The following RFX3 variants were observed in gnomAD, a reference collection of about 807,000 sequenced individuals.
RFX3 encodes the protein regulatory factor X3, also known as transcription factor RFX3.
In RFX3, 14 loss-of-function variants were observed where a neutral mutation model predicts 98.6. The observed-to-expected ratio is 0.14, with a 90% CI of 0.09 to 0.22. The LOEUF is 0.22. RFX3 is among the 10% of genes least tolerant of loss of function. The pLI, the probability that RFX3 is intolerant of heterozygous loss-of-function variation, is 1.00. For synonymous variants in RFX3, 383 were observed against 328.4 expected (o/e 1.17, Z -1.80); for missense variants, 639 against 926.9 (o/e 0.69, Z 4.03).
At chr9:3,292,792 C>G (rs1441450840) in intron 6 of RFX3, among the ~76,000 whole-genome samples, 1 of 152,038 alleles carries the variant, frequency 6.6e-6, no homozygotes, top group African/African-American at 2.4e-5. Context: ...GCACCATATG[C>G]AAATCTTGCA....
intron 14 of RFX3, among the ~76,000 whole-genome samples, chr9:3,250,960 A>T (rs1182730869): frequency 6.6e-6 from 1 of 152,142 alleles, no homozygotes; most frequent in Non-Finnish European, 1.5e-5. Flanking sequence ...AGTTACTTTA[A>T]ATGTTTATAT....
chr9:3,370,288 A>T (rs1187344748), intron 2 of RFX3, among the ~76,000 whole-genome samples: 1 of 151,722 alleles, frequency 6.6e-6, no homozygotes, highest in African/African-American at 2.4e-5. Flanking sequence ...TTATCCTCAG[A>T]AAACTGAACA....
intron 4 of RFX3, among the ~76,000 whole-genome samples, chr9:3,312,386 G>C (rs1208136247): frequency 6.6e-6 from 1 of 152,150 alleles, no homozygotes; most frequent in Non-Finnish European, 1.5e-5. Flanking sequence ...AGGATCTCCA[G>C]AGTGTTCCTT....
chr9:3,270,348 G>A (rs771339127), intron 11 of RFX3, 23 bp downstream of exon 11: 9 of 1,603,376 alleles, frequency 5.6e-6, no homozygotes, highest in Middle Eastern at 1.7e-4. Flanking sequence ...AAAAGCATCC[G>A]TACTCGTCTG....
At chr9:3,267,034 T>G (rs1361342458) in intron 11 of RFX3, among the ~76,000 whole-genome samples, 1 of 151,942 alleles carries the variant, frequency 6.6e-6, no homozygotes, top group Non-Finnish European at 1.5e-5. Flanking sequence ...GATTTTACGG[T>G]GGTCATAAAA....
At chr9:3,373,202 G>A (rs910526917) in intron 2 of RFX3, among the ~76,000 whole-genome samples, 2 of 152,092 alleles carry the variant, frequency 1.3e-5, no homozygotes, top group Non-Finnish European at 2.9e-5. Flanking sequence ...ACTACTCCGA[G>A]ACAGTGAGAG....
At chr9:3,381,487 A>C (rs1458742265) in intron 2 of RFX3, among the ~76,000 whole-genome samples, 1 of 152,174 alleles carries the variant, frequency 6.6e-6, no homozygotes, top group Non-Finnish European at 1.5e-5. Flanking sequence ...AGATTTGTTT[A>C]CAAACAAAAA....
intron 2 of RFX3, among the ~76,000 whole-genome samples, chr9:3,354,148 G>A (rs1835468081): frequency 6.6e-6 from 1 of 151,950 alleles, no homozygotes; most frequent in African/African-American, 2.4e-5. Flanking sequence ...GAAATGATGA[G>A]AAATAAAGTA....
intron 14 of RFX3, among the ~76,000 whole-genome samples, chr9:3,255,519 C>A (rs1371984989): frequency 6.6e-6 from 1 of 152,178 alleles, no homozygotes; most frequent in African/African-American, 2.4e-5. Context: ...TACTTTACAG[C>A]AGATATTAAT....
rs1284401982 is a variant in RFX3, at chr9:3,504,862, AATATATATT to A, written c.-9+20876_-9+20884del. ...AAAATATATATATTATATATGATAT[AATATATATT>A]ATATATATTATATATAATATAACAT... On this transcript the variant is annotated intron_variant, in intron 1 of 16. Transcript: ENST00000617270. 1.7e-3 allele frequency among the ~76,000 whole-genome samples: 40 copies of A among 23,528 alleles called. 1 individual carries two copies. The highest frequency in any genetic ancestry group is 3.0e-3 in the Non-Finnish European group (34 of 11,414). The allele number at this position is 23,528 out of a possible 152,430, so 15.4% of individuals were successfully genotyped here.
At chr9:3,426,325 CTTTT>C (rs917631096) in intron 1 of RFX3, among the ~76,000 whole-genome samples, 1 of 142,834 alleles carries the variant, frequency 7.0e-6, no homozygotes, top group Non-Finnish European at 1.5e-5. Flanking sequence ...AAATACCTAT[CTTTT>C]TTTTTTTTTT....
chr9:3,387,427 T>G (rs1839840467), intron 2 of RFX3, among the ~76,000 whole-genome samples: 1 of 152,142 alleles, frequency 6.6e-6, no homozygotes, highest in African/African-American at 2.4e-5. Context: ...CTCAACTACT[T>G]AAATAGTAGA....
At position 3,427,387 on chromosome 9, in the gene RFX3, T is replaced by C. The variant is rs1844182014; in HGVS notation, c.-8-31791A>G. ...AATATATATTGTTATTATATAATAA[T>C]ACAATATATATAAATATATATTGTT... is the stretch of plus-strand genomic sequence containing the variant. On this transcript the variant is annotated intron_variant, in intron 1 of 16. Coordinates refer to ENST00000617270, the MANE Select transcript of RFX3 (RefSeq NM_001282116.2). 2.8e-5 allele frequency among the ~76,000 whole-genome samples: 4 copies of C among 141,740 alleles called. No individual in the cohort carries two copies. In the South Asian group the frequency reaches 6.4e-4, roughly 23 times the overall value. 93.0% of individuals were successfully genotyped at this position (141,740 alleles called of 152,430 possible). A position where few individuals can be genotyped will look rare whatever the true frequency, so the allele number is the denominator to read the frequency against.
At chr9:3,431,581 G>C (rs1444504434) in intron 1 of RFX3, among the ~76,000 whole-genome samples, 1 of 152,136 alleles carries the variant, frequency 6.6e-6, no homozygotes, top group Admixed American at 6.5e-5. Context: ...TTATATGGGT[G>C]CAGGATTGCT....
At chr9:3,481,608 A>G (rs1271190978) in intron 1 of RFX3, among the ~76,000 whole-genome samples, 2 of 152,002 alleles carry the variant, frequency 1.3e-5, no homozygotes, top group Non-Finnish European at 2.9e-5. Flanking sequence ...AAAAATCACT[A>G]AAACAAAAAG....
intron 4 of RFX3, among the ~76,000 whole-genome samples, chr9:3,329,518 T>C (rs941977036): frequency 6.6e-6 from 1 of 151,612 alleles, no homozygotes; most frequent in African/African-American, 2.4e-5. Context: ...TGTTTGCTCA[T>C]ATCTATGATC....
At chr9:3,487,132 A>C (rs746998657) in intron 1 of RFX3, among the ~76,000 whole-genome samples, 3 of 152,174 alleles carry the variant, frequency 2.0e-5, no homozygotes, top group Admixed American at 6.5e-5. Context: ...CTGAGATTAC[A>C]GGCACAAGCC....
At chr9:3,396,606 G>A (rs1179647677) in intron 1 of RFX3, among the ~76,000 whole-genome samples, 1 of 150,292 alleles carries the variant, frequency 6.7e-6, no homozygotes, top group Non-Finnish European at 1.5e-5. Context: ...GATCCCTGAG[G>A]AATCGCCACA....
rs569696127 is a variant in RFX3, at chr9:3,357,307, C to T, written c.118-10543G>A. On this transcript the variant is annotated intron_variant, in intron 2 of 16. Transcript: ENST00000617270. ...TTGTACATTCTTGCTACCTTCTCAT[C>T]GCTTATATTGTTTTCTCTACATAAA... 1.1e-3 allele frequency among the ~76,000 whole-genome samples: 169 copies of T among 151,876 alleles called. 2 individuals carry two copies. Among genetic ancestry groups the T allele is most frequent in the Non-Finnish European group, 6.3e-4 (43 of 67,914 alleles).
Sources: gnomAD v4.1 joint callset for allele counts (sites outside exome capture counted in the v4.1 genomes callset) on GRCh38, gnomAD v4.1.1 for gene constraint, MANE v1.5 for transcripts, NCBI Gene and HGNC (gene_info 2026-07-23, HGNC 2026-07-21) for gene names.